FRMD6: variants seen among roughly 807,000 people sequenced by gnomAD.
FRMD6 encodes the protein FERM domain-containing protein 6.
Under a neutral mutation model 73.2 loss-of-function variants are expected in FRMD6, and 37 were observed. The ratio of observed to expected loss-of-function variants is 0.51; its 90% CI spans 0.39 to 0.66. The LOEUF (loss-of-function observed/expected upper bound fraction) is 0.66, where lower values mean the gene tolerates loss of function less well. Among genes scored for constraint, FRMD6 ranks in the 30% least tolerant of loss-of-function variants. FRMD6 has a pLI of 0.00. For missense variants in FRMD6, 714 were observed against 780.5 expected, an observed-to-expected ratio of 0.91 and a Z score of 1.02; for synonymous variants, 273 against 282.2, an observed-to-expected ratio of 0.97 and a Z score of 0.33.
At chr14:51,727,506 G>C (rs188905966) in intron 13 of FRMD6, among the ~76,000 whole-genome samples, 15 of 152,320 alleles carry the variant, frequency 9.8e-5, no homozygotes, top group Admixed American at 6.5e-4. Flanking sequence ...TGCATGCCGA[G>C]TATTTAGGTC....
At chr14:51,451,447 C>T in the FRMD6 span, among the ~76,000 whole-genome samples, 1 of 152,196 alleles carries the variant, frequency 6.6e-6, no homozygotes, top group Non-Finnish European at 1.5e-5. Context: ...GAAGTCAGCT[C>T]ACTGCAGCCT....
the FRMD6 span, among the ~76,000 whole-genome samples, chr14:51,399,095 A>G: frequency 1.4e-4 from 22 of 152,230 alleles, no homozygotes; most frequent in East Asian, 1.5e-3. Context: ...TGTGTCTACC[A>G]TTGCTCATGA....
Position 51,664,490 on chromosome 14 carries a change from C to A in FRMD6, c.-147+12494C>A, listed in dbSNP as rs556724207. Among the ~76,000 whole-genome samples the A allele has an allele frequency of 1.1e-4, 17 of 152,260 alleles. No homozygotes were observed. The South Asian group carries it at 3.3e-3, about 30-fold the overall frequency. On this transcript the variant is annotated intron_variant, in intron 1 of 13. Transcript: ENST00000344768. Reference sequence around the variant, plus strand: ...CTTATTAAAATGCTAACACATAGGCCTTTAATGCATACGTATTGTTTTTGG... The same window carrying A: ...CTTATTAAAATGCTAACACATAGGCATTTAATGCATACGTATTGTTTTTGG...
upstream of FRMD6, among the ~76,000 whole-genome samples, chr14:51,648,415 A>C (rs936694913): frequency 6.6e-6 from 1 of 152,178 alleles, no homozygotes; most frequent in Non-Finnish European, 1.5e-5. Context: ...ACTTAAAATA[A>C]CCTGGGGATA....
At chr14:51,541,475 A>G (rs757065030) in intron 1 of FRMD6, among the ~76,000 whole-genome samples, 85 of 152,150 alleles carry the variant, frequency 5.6e-4, no homozygotes, top group Non-Finnish European at 7.8e-4. Flanking sequence ...AAATAAAAAC[A>G]GTATAAATCT....
chr14:51,705,328 A>G (rs1469130937), intron 6 of FRMD6, among the ~76,000 whole-genome samples: 1 of 151,980 alleles, frequency 6.6e-6, no homozygotes. Flanking sequence ...AAGTATGTCA[A>G]CTTCTGGCTC....
chr14:51,563,784 T>C (rs1416347266), intron 1 of FRMD6, among the ~76,000 whole-genome samples: 1 of 152,248 alleles, frequency 6.6e-6, no homozygotes, highest in African/African-American at 2.4e-5. Flanking sequence ...ATGATTATAC[T>C]AATGGCTATG....
At chr14:51,713,803 G>A (rs988714419) in intron 9 of FRMD6, 1 of 152,162 alleles carries the variant, frequency 6.6e-6, no homozygotes, top group African/African-American at 2.4e-5. Context: ...TTTGTTTCAA[G>A]CTATTTGTGA....
intron 9 of FRMD6, among the ~76,000 whole-genome samples, chr14:51,713,415 ACCATTGCACT>A: frequency 6.7e-6 from 1 of 149,446 alleles, no homozygotes; most frequent in South Asian, 2.1e-4. Context: ...CCAAGACCGC[ACCATTGCACT>A]CCAGCCTAGG....
intron 1 of FRMD6, among the ~76,000 whole-genome samples, chr14:51,679,925 A>G (rs1393074014): frequency 6.6e-6 from 1 of 152,216 alleles, no homozygotes; most frequent in Non-Finnish European, 1.5e-5. Context: ...TCAAATAAAT[A>G]GCGTGAGTAT....
chr14:51,523,722 G>A (rs143456731), intron 1 of FRMD6, among the ~76,000 whole-genome samples: 155 of 152,262 alleles, frequency 1.0e-3, no homozygotes, highest in African/African-American at 2.7e-3. Context: ...ATAGGTCAAG[G>A]AGGCCTCTAG....
the FRMD6 span, among the ~76,000 whole-genome samples, chr14:51,402,867 T>G: frequency 6.6e-6 from 1 of 152,130 alleles, no homozygotes; most frequent in African/African-American, 2.4e-5. Flanking sequence ...CTCGATCTCC[T>G]AACCTCATGA....
rs536477335 is a variant in FRMD6, at chr14:51,715,687, C to G, written c.1024+188C>G. ...AAGGGTTAGGCTTGAGCCCCACCTA[C>G]TGTAGCACTTATTCAGAATATCTGA... is the stretch of plus-strand genomic sequence containing the variant. On this transcript the variant is annotated intron_variant, in intron 10 of 13. Transcript: ENST00000344768. Among the ~76,000 whole-genome samples, 36 of 152,328 alleles carry G rather than the reference C, an allele frequency of 2.4e-4. No individual in the cohort carries two copies. The South Asian group carries it at 7.0e-3, about 30-fold the overall frequency.
intron 1 of FRMD6, among the ~76,000 whole-genome samples, chr14:51,496,821 A>G (rs1335562770): frequency 6.6e-6 from 1 of 152,196 alleles, no homozygotes; most frequent in Non-Finnish European, 1.5e-5. Flanking sequence ...TTAAAGTCTC[A>G]TCTTTATGTG....
At chr14:51,545,141 A>G (rs1366743798) in intron 1 of FRMD6, among the ~76,000 whole-genome samples, 1 of 152,122 alleles carries the variant, frequency 6.6e-6, no homozygotes, top group Non-Finnish European at 1.5e-5. Context: ...CACTAGACAC[A>G]GTTATCTTCA....
the FRMD6 span, among the ~76,000 whole-genome samples, chr14:51,419,547 T>G: frequency 6.6e-6 from 1 of 152,176 alleles, no homozygotes; most frequent in Non-Finnish European, 1.5e-5. Flanking sequence ...CTTTTCCTCT[T>G]GTAACAATCT....
chr14:51,653,910 A>G (rs1425770843), intron 1 of FRMD6, among the ~76,000 whole-genome samples: 2 of 152,216 alleles, frequency 1.3e-5, no homozygotes, highest in Non-Finnish European at 2.9e-5. Flanking sequence ...TCTAATATCA[A>G]ATTATCTGCA....
At chr14:51,623,392 C>T (rs776230130) in intron 2 of FRMD6, among the ~76,000 whole-genome samples, 1 of 152,114 alleles carries the variant, frequency 6.6e-6, no homozygotes, top group East Asian at 1.9e-4. Flanking sequence ...ATCCTGAATG[C>T]CACAGATCCA....
At chr14:51,511,202 A>AT (rs1419470040) in intron 1 of FRMD6, among the ~76,000 whole-genome samples, 8 of 152,260 alleles carry the variant, frequency 5.3e-5, no homozygotes, top group Admixed American at 5.2e-4. Context: ...AATCACTAAT[A>AT]TTTTTTGGTC....
Sources: gnomAD v4.1 joint callset for allele counts (sites outside exome capture counted in the v4.1 genomes callset) on GRCh38, gnomAD v4.1.1 for gene constraint, MANE v1.5 for transcripts, NCBI Gene and HGNC (gene_info 2026-07-23, HGNC 2026-07-21) for gene names.